TBC1D31: variants seen among roughly 807,000 people sequenced by gnomAD.
TBC1D31 encodes WD repeat domain 67.
Under a neutral mutation model 132.9 loss-of-function variants are expected in TBC1D31, and 99 were observed. That is an observed-to-expected ratio of 0.74 (90% CI 0.63 to 0.88). The LOEUF (loss-of-function observed/expected upper bound fraction) is 0.88. Among genes scored for constraint, TBC1D31 ranks in the 40% least tolerant of loss-of-function variants. The probability of loss-of-function intolerance (pLI) is 0.00; values close to 1 mark genes in which losing one functional copy is unlikely to be tolerated. For missense variants in TBC1D31, 1,134 were observed against 1,256.6 expected (o/e 0.90, Z 1.48); for synonymous variants, 385 against 419.4 (o/e 0.92, Z 1.00).
chr8:123,114,617 C>T (rs985930478), intron 10 of TBC1D31, among the ~76,000 whole-genome samples: 4 of 152,070 alleles, frequency 2.6e-5, no homozygotes, highest in Non-Finnish European at 4.4e-5. Flanking sequence ...TCACTGCACC[C>T]GGCCTGTGAT....
At chr8:123,102,324 T>C (rs1817511944) in intron 7 of TBC1D31, 1 of 449,776 alleles carries the variant, frequency 2.2e-6, no homozygotes, top group Non-Finnish European at 4.5e-6. Context: ...CAAGATTACA[T>C]GAGATTGGGT....
rs35198781 is a variant in TBC1D31, at chr8:123,127,261, A to ATTTTTTTTTTTTTTTTT, written c.1884+584_1884+600dup. On this transcript the variant is annotated intron_variant, in intron 13 of 21. Transcript: ENST00000287380. ...TAATATTGGGGTTTGTGCTTTTTGC[A>ATTTTTTTTTTTTTTTTT]TTTTTTTTTTTTTTTTTTTTTTTTT... Among the ~76,000 whole-genome samples the ATTTTTTTTTTTTTTTTT allele has an allele frequency of 2.3e-4, 16 of 69,916 alleles. 1 individual carries two copies. The highest frequency in any genetic ancestry group is 9.8e-4 in the African/African-American group (16 of 16,364). 45.9% of individuals were successfully genotyped at this position (69,916 alleles called of 152,430 possible).
chr8:123,119,389 A>G (rs1819255062), intron 10 of TBC1D31, among the ~76,000 whole-genome samples: 1 of 152,230 alleles, frequency 6.6e-6, no homozygotes, highest in African/African-American at 2.4e-5. Flanking sequence ...GACTGAAAGC[A>G]AATGCCCTAC....
chr8:123,075,736 T>C (rs1292205934), intron 1 of TBC1D31, among the ~76,000 whole-genome samples: 1 of 152,016 alleles, frequency 6.6e-6, no homozygotes, highest in African/African-American at 2.4e-5. Flanking sequence ...CAAAAATTTA[T>C]GAAAAATCAA....
chr8:123,163,079 C>G, the TBC1D31 span, among the ~76,000 whole-genome samples: 1 of 152,142 alleles, frequency 6.6e-6, no homozygotes, highest in African/African-American at 2.4e-5. Flanking sequence ...CCCACCTCAG[C>G]CTCCCAAAGT....
intron 4 of TBC1D31, among the ~76,000 whole-genome samples, chr8:123,085,047 C>G (rs1348779300): frequency 1.3e-5 from 2 of 152,160 alleles, no homozygotes; most frequent in Non-Finnish European, 2.9e-5. Context: ...GCCTCGGCCT[C>G]CCAAAGTGCT....
chr8:123,148,132 A>AC (rs1822414643), intron 20 of TBC1D31, among the ~76,000 whole-genome samples: 1 of 151,968 alleles, frequency 6.6e-6, no homozygotes, highest in African/African-American at 2.4e-5. Context: ...ATCTCAAAAA[A>AC]AAAAAAAAAT....
intron 7 of TBC1D31, among the ~76,000 whole-genome samples, chr8:123,101,904 C>T (rs1306105191): frequency 6.6e-6 from 1 of 152,190 alleles, no homozygotes; most frequent in Non-Finnish European, 1.5e-5. Context: ...CATTTCTTAA[C>T]TAGTGCTACT....
At chr8:123,113,520 C>T (rs1210469334) in intron 10 of TBC1D31, among the ~76,000 whole-genome samples, 2 of 152,096 alleles carry the variant, frequency 1.3e-5, no homozygotes, top group African/African-American at 4.8e-5. Flanking sequence ...TACCTAAATA[C>T]AGTGTATACA....
At chr8:123,109,148 T>A in intron 8 of TBC1D31, among the ~76,000 whole-genome samples, 169 bp from the exon 9 acceptor site, 1 of 152,156 alleles carries the variant, frequency 6.6e-6, no homozygotes, top group East Asian at 1.9e-4. Context: ...TGTATATGCA[T>A]GCTCAAGAGA....
At chr8:123,078,688 A>T (rs548919478) in intron 2 of TBC1D31, among the ~76,000 whole-genome samples, 1 of 152,202 alleles carries the variant, frequency 6.6e-6, no homozygotes, top group Non-Finnish European at 1.5e-5. Context: ...AATGTTCGGG[A>T]TGTGTCAAAA....
At chr8:123,099,322 G>A (rs1421331404) in intron 6 of TBC1D31, among the ~76,000 whole-genome samples, 10 of 152,010 alleles carry the variant, frequency 6.6e-5, no homozygotes, top group East Asian at 3.9e-4. Flanking sequence ...GGGTTTCACC[G>A]TGTTAGCCAG....
intron 21 of TBC1D31, among the ~76,000 whole-genome samples, chr8:123,151,520 A>G (rs1228244868): frequency 6.6e-6 from 1 of 152,220 alleles, no homozygotes; most frequent in Non-Finnish European, 1.5e-5. Context: ...CAGTTGCACA[A>G]ACTCAAATTC....
chr8:123,095,798 CT>C (rs1407459831), intron 5 of TBC1D31, among the ~76,000 whole-genome samples: 1 of 152,116 alleles, frequency 6.6e-6, no homozygotes, highest in Non-Finnish European at 1.5e-5. Flanking sequence ...AGTCTGGGTT[CT>C]TTTTTGGGAA....
At chr8:123,139,710 C>T (rs759493299) in intron 17 of TBC1D31, among the ~76,000 whole-genome samples, 3 of 152,184 alleles carry the variant, frequency 2.0e-5, no homozygotes, top group Non-Finnish European at 2.9e-5. Context: ...ATGCACATGA[C>T]CTTCCAGGAA....
chr8:123,082,832 T>C lies in TBC1D31; in HGVS notation c.340+15T>C, dbSNP rs1306422183. 5.1e-6 allele frequency: 8 copies of C among 1,556,346 alleles called. No homozygotes were observed. The highest frequency in any genetic ancestry group is 6.2e-6 in the Non-Finnish European group (7 of 1,131,068). On this transcript the variant is annotated intron_variant, in intron 3 of 21. Transcript: ENST00000287380. ...TTTTGATACAGGTAAGAAGTTCTCCTATTTTTCTTTTGAAGCAGAGTAAAA... is the reference window on the plus strand; with the variant it reads ...TTTTGATACAGGTAAGAAGTTCTCCCATTTTTCTTTTGAAGCAGAGTAAAA...
chr8:123,124,436 G>A (rs938010632), intron 11 of TBC1D31, among the ~76,000 whole-genome samples: 7 of 152,244 alleles, frequency 4.6e-5, no homozygotes, highest in African/African-American at 1.7e-4. Flanking sequence ...CATCAAAGCA[G>A]AATAAAAATA....
chr8:123,105,945 A>G (rs1158097940), intron 8 of TBC1D31, among the ~76,000 whole-genome samples: 2 of 151,112 alleles, frequency 1.3e-5, no homozygotes, highest in Non-Finnish European at 3.0e-5. Context: ...CACCCACCCC[A>G]GAATAACTAC....
At chr8:123,082,895 A>T in intron 3 of TBC1D31, 78 bp downstream of exon 3, 2 of 1,004,746 alleles carry the variant, frequency 2.0e-6, no homozygotes, top group Non-Finnish European at 3.0e-6. Context: ...ATCACTCTGT[A>T]CAGCTTGAGG....
Sources: allele counts gnomAD v4.1 joint callset (sites outside exome capture counted in the v4.1 genomes callset), GRCh38; gene constraint gnomAD v4.1.1; transcripts MANE v1.5; gene names NCBI Gene and HGNC (gene_info 2026-07-23, HGNC 2026-07-21).